The following ARSB variants were observed in gnomAD, a reference collection of about 807,000 sequenced individuals.
The protein encoded by ARSB is arylsulfatase B, also known as N-acetylgalactosamine-4-sulfatase.
ARSB carries 41 observed loss-of-function variants against 50.9 expected under a neutral mutation model. The observed-to-expected ratio is 0.81, with a 90% CI of 0.63 to 1.04. The LOEUF is 1.04. ARSB is among the 50% of genes least tolerant of loss of function. The probability of loss-of-function intolerance (pLI) is 0.00; values close to 1 mark genes in which losing one functional copy is unlikely to be tolerated. For missense variants in ARSB, 672 were observed against 693.3 expected, an observed-to-expected ratio of 0.97 and a Z score of 0.35; for synonymous variants, 269 against 284.8, an observed-to-expected ratio of 0.94 and a Z score of 0.56.
intron 5 of ARSB, among the ~76,000 whole-genome samples, chr5:78,875,488 A>G (rs1469068771): frequency 6.6e-6 from 1 of 152,084 alleles, no homozygotes; most frequent in African/African-American, 2.4e-5. Flanking sequence ...ACGTTAGTTT[A>G]TTGTCTACTG....
chr5:78,879,786 G>T (rs925262820), intron 5 of ARSB, among the ~76,000 whole-genome samples: 1 of 152,156 alleles, frequency 6.6e-6, no homozygotes, highest in African/African-American at 2.4e-5. Context: ...CACCGATTCC[G>T]AACTTGCCTA....
chr5:78,976,278 C>CTTT (rs541278624), intron 1 of ARSB, among the ~76,000 whole-genome samples: 25 of 76,886 alleles, frequency 3.3e-4, no homozygotes, highest in Non-Finnish European at 3.4e-4. Context: ...AAACAGGCTA[C>CTTT]TTTTTTTTTT....
intron 5 of ARSB, among the ~76,000 whole-genome samples, chr5:78,849,416 T>C (rs1274793207): frequency 6.6e-6 from 1 of 152,116 alleles, no homozygotes; most frequent in African/African-American, 2.4e-5. Flanking sequence ...TTCTGTTCCA[T>C]TGATCTATAT....
chr5:78,812,592 A>AAAACAC (rs138820595), intron 6 of ARSB, among the ~76,000 whole-genome samples: 8 of 144,262 alleles, frequency 5.5e-5, no homozygotes, highest in Non-Finnish European at 1.1e-4. Flanking sequence ...ATTCTGTTCA[A>AAAACAC]ACACACACAC....
At chr5:78,805,419 T>G (rs1393598682) in intron 6 of ARSB, among the ~76,000 whole-genome samples, 1 of 152,172 alleles carries the variant, frequency 6.6e-6, no homozygotes, top group Non-Finnish European at 1.5e-5. Flanking sequence ...GAAAACAAAA[T>G]GAGGTTGTTA....
chr5:78,930,448 GA>G (rs34917607), intron 4 of ARSB, among the ~76,000 whole-genome samples: 4 of 151,834 alleles, frequency 2.6e-5, no homozygotes, highest in Non-Finnish European at 5.9e-5. Context: ...AAAAGAAAAA[GA>G]AAAAAAGATC....
chr5:78,869,741 A>G (rs1297144949), intron 5 of ARSB, among the ~76,000 whole-genome samples: 3 of 147,624 alleles, frequency 2.0e-5, no homozygotes, highest in Admixed American at 2.0e-4. Flanking sequence ...CCCTAACATC[A>G]CAATTAAAAC....
In ARSB at chr5:78,801,577, A is replaced by G. The variant is rs190740756; in HGVS notation, c.1214-19603T>C. Among the ~76,000 whole-genome samples, 261 of 152,322 alleles carry G rather than the reference A, an allele frequency of 1.7e-3. 1 individual carries two copies. The highest frequency in any genetic ancestry group is 7.7e-3 in the South Asian group (37 of 4,824). ...ACTCACACTCCTCAGCACGCTAGGAATAAAACTGAAACTGCAACATGGCCC... is the reference window on the plus strand; with the variant it reads ...ACTCACACTCCTCAGCACGCTAGGAGTAAAACTGAAACTGCAACATGGCCC... On this transcript the variant is annotated intron_variant, in intron 6 of 7. Coordinates refer to ENST00000264914, the MANE Select transcript of ARSB (RefSeq NM_000046.5).
intron 6 of ARSB, among the ~76,000 whole-genome samples, chr5:78,832,483 G>A (rs1250560804): frequency 1.3e-5 from 2 of 152,050 alleles, no homozygotes; most frequent in Non-Finnish European, 2.9e-5. Context: ...GGCCATCATC[G>A]TTTATTTATT....
Position 78,876,252 on chromosome 5 carries a change from A to G in ARSB, c.1142+9332T>C, listed in dbSNP as rs1747474264. Among the ~76,000 whole-genome samples the G allele has an allele frequency of 1.3e-5, 2 of 152,184 alleles. 1 individual carries two copies. Among genetic ancestry groups the G allele is most frequent in the South Asian group, 4.1e-4 (2 of 4,830 alleles). ...AAGAGTTATAAGATTTAAAGTATTC[A>G]ATTGCAAAAAGCTGGGTCTGTACTG... On this transcript the variant is annotated intron_variant, in intron 5 of 7. Coordinates refer to ENST00000264914, the MANE Select transcript of ARSB (RefSeq NM_000046.5).
At chr5:78,861,481 C>G (rs555640809) in intron 5 of ARSB, among the ~76,000 whole-genome samples, 1 of 152,068 alleles carries the variant, frequency 6.6e-6, no homozygotes, top group African/African-American at 2.4e-5. Flanking sequence ...TGAACGTAAT[C>G]CATCATATAA....
At chr5:78,942,124 T>C (rs1420712691) in intron 4 of ARSB, among the ~76,000 whole-genome samples, 7 of 152,240 alleles carry the variant, frequency 4.6e-5, no homozygotes, top group African/African-American at 1.7e-4. Flanking sequence ...GGATCAGTGG[T>C]GATATCCCCT....
intron 5 of ARSB, among the ~76,000 whole-genome samples, chr5:78,863,418 T>G (rs1011098574): frequency 1.3e-5 from 2 of 152,108 alleles, no homozygotes; most frequent in African/African-American, 4.8e-5. Context: ...CATGGAATAC[T>G]GTACAGCCAT....
intron 1 of ARSB, among the ~76,000 whole-genome samples, chr5:78,984,482 C>T (rs1753051498): frequency 6.6e-6 from 1 of 152,176 alleles, no homozygotes; most frequent in South Asian, 2.1e-4. Context: ...GTGGGACACT[C>T]CTAACCTATC....
intron 6 of ARSB, among the ~76,000 whole-genome samples, chr5:78,813,693 G>C (rs1033201805): frequency 6.6e-6 from 1 of 152,098 alleles, no homozygotes; most frequent in Non-Finnish European, 1.5e-5. Flanking sequence ...GGAGCTCAAG[G>C]CTGCAGTGAG....
chr5:78,831,851 G>C (rs1410749849), intron 6 of ARSB, among the ~76,000 whole-genome samples: 1 of 152,130 alleles, frequency 6.6e-6, no homozygotes, highest in African/African-American at 2.4e-5. Flanking sequence ...CTGAAAGAAA[G>C]ATGCCTCTGT....
intron 4 of ARSB, among the ~76,000 whole-genome samples, chr5:78,923,167 C>G (rs911506558): frequency 2.0e-5 from 3 of 152,168 alleles, no homozygotes; most frequent in Non-Finnish European, 4.4e-5. Context: ...ATCAAGTTGG[C>G]TGACCACCGC....
chr5:78,794,756 A>T (rs994112890), intron 6 of ARSB, among the ~76,000 whole-genome samples: 1 of 152,164 alleles, frequency 6.6e-6, no homozygotes, highest in Non-Finnish European at 1.5e-5. Flanking sequence ...GGTGAGAGGG[A>T]TAGAGTGAAG....
rs984490934 is a variant in ARSB, at chr5:78,781,382, A to G, written c.1336+470T>C. 4.4e-5 allele frequency among the ~76,000 whole-genome samples: 5 copies of G among 113,568 alleles called. No individual in the cohort carries two copies. The East Asian group carries it at 1.0e-3, about 23-fold the overall frequency. 74.5% of individuals were successfully genotyped at this position (113,568 alleles called of 152,430 possible). On this transcript the variant is annotated intron_variant, in intron 7 of 7. Transcript: ENST00000264914. The stretch of plus-strand genomic sequence containing the variant: ...CGAGTAGGTTAAACCATTTCTTCCT[A>G]TCTCCTCATTCAGCAGCCCCAGAGA...
Sources: allele counts gnomAD v4.1 joint callset (sites outside exome capture counted in the v4.1 genomes callset), GRCh38; gene constraint gnomAD v4.1.1; transcripts MANE v1.5; gene names NCBI Gene and HGNC (gene_info 2026-07-23, HGNC 2026-07-21).